ASH1L: variants seen among roughly 807,000 people sequenced by gnomAD.
ASH1L encodes histone-lysine N-methyltransferase ASH1L.
ASH1L carries 23 observed loss-of-function variants against 269.0 expected under a neutral mutation model. The ratio of observed to expected loss-of-function variants is 0.09; its 90% CI spans 0.06 to 0.12. The LOEUF (loss-of-function observed/expected upper bound fraction) is 0.12. Ranked by LOEUF, ASH1L falls within the 10% of genes least tolerant of loss-of-function variation. ASH1L has a pLI of 1.00. For synonymous variants in ASH1L, 1,187 were observed against 1,253.5 expected (o/e 0.95, Z 1.12); for missense variants, 2,912 against 3,567.8 (o/e 0.82, Z 4.68).
At chr1:155,420,841 CT>C (rs2148559456) in intron 5 of ASH1L, among the ~76,000 whole-genome samples, 6 of 67,756 alleles carry the variant, frequency 8.9e-5, no homozygotes, top group African/African-American at 2.5e-4. Context: ...CAGAGCAAGG[CT>C]CCATTAAAAA....
chr1:155,341,408 C>T (rs543212602), intron 25 of ASH1L, among the ~76,000 whole-genome samples: 27 of 152,230 alleles, frequency 1.8e-4, no homozygotes, highest in Non-Finnish European at 3.5e-4. Flanking sequence ...GATCTCCTGA[C>T]CTCATGATCC....
rs1452714791 is a variant in ASH1L, at chr1:155,480,107, C to T, written c.2763G>A (p.Lys921=). The T allele has an allele frequency of 1.9e-6, 3 of 1,614,122 alleles. No individual in the cohort carries two copies. The highest frequency in any genetic ancestry group is 2.5e-6 in the Non-Finnish European group (3 of 1,180,012). ...TATGGTTGTCACTTTCAGATTCTAG[C>T]TTGCTTGGACTTTCAGTGGCAACAA... ...APFVATESPS[K]LESESDNHRS... Residue 921 remains lysine, a synonymous_variant, in exon 3 of 28, where the codon AAG becomes AAA. Transcript: ENST00000392403.
At chr1:155,339,755 G>T (rs1286648729) in intron 25 of ASH1L, among the ~76,000 whole-genome samples, 1 of 152,126 alleles carries the variant, frequency 6.6e-6, no homozygotes, top group Non-Finnish European at 1.5e-5. Context: ...AGGCTATTTA[G>T]TATAGCCTAT....
chr1:155,406,787 C>A (rs970960916), intron 6 of ASH1L, among the ~76,000 whole-genome samples: 1 of 152,076 alleles, frequency 6.6e-6, no homozygotes, highest in African/African-American at 2.4e-5. Context: ...ACAATAGTCA[C>A]GGTCAATAAG....
intron 13 of ASH1L, among the ~76,000 whole-genome samples, chr1:155,360,083 T>A (rs1267966659): frequency 6.6e-6 from 1 of 151,842 alleles, no homozygotes; most frequent in Non-Finnish European, 1.5e-5. Context: ...ATAGACAGGG[T>A]TTTGTCATGT....
intron 2 of ASH1L, among the ~76,000 whole-genome samples, chr1:155,520,719 C>G (rs1259506157): frequency 6.6e-6 from 1 of 151,530 alleles, no homozygotes; most frequent in African/African-American, 2.4e-5. Context: ...AAAATTAGCT[C>G]GGTGTGGTGG....
chr1:155,433,432 A>G (rs763508789), intron 5 of ASH1L: 27 of 1,609,574 alleles, frequency 1.7e-5, no homozygotes, highest in Middle Eastern at 3.4e-4. Flanking sequence ...GAGTGCGGCT[A>G]GTGCCCCAAG....
intron 6 of ASH1L, among the ~76,000 whole-genome samples, chr1:155,406,126 C>A (rs1404436847): frequency 6.6e-6 from 1 of 151,036 alleles, no homozygotes; most frequent in Non-Finnish European, 1.5e-5. Flanking sequence ...ATTGCTTAAA[C>A]CCAGGGGGCG....
Position 155,481,048 on chromosome 1 carries a change from T to C in ASH1L, c.1822A>G (p.Ser608Gly), listed in dbSNP as rs754109654. The change falls in exon 3 of 28, where the codon AGT becomes GGT. Residue 608 changes from serine (S) to glycine (G), a missense_variant. Ser to Gly is a moderately conservative substitution (Grantham distance 56). Around this residue, in one of 13 missense-constraint regions of ASH1L, gnomAD observed 715 missense variants for 721.0 expected, o/e 0.99. Transcript: ENST00000392403. ...SVGKNQFTSE[S>G]THLNVGHRSV... ...CTATGACCAACGTTCAAGTGGGTAC[T>C]TTCAGAAGTAAACTGGTTCTTTCCA... 32 of 1,613,972 alleles carry C rather than the reference T, an allele frequency of 2.0e-5. No individual in the cohort carries two copies. The highest frequency in any genetic ancestry group is 6.7e-5 in the Admixed American group (4 of 59,992).
At chr1:155,435,628 G>GAA (rs752005177) in intron 5 of ASH1L, among the ~76,000 whole-genome samples, 3 of 135,060 alleles carry the variant, frequency 2.2e-5, no homozygotes, top group Non-Finnish European at 3.2e-5. Context: ...TAGGTGGATG[G>GAA]AAAAAAAAAA....
Position 155,480,932 on chromosome 1 carries a change from T to C in ASH1L, c.1938A>G (p.Ile646Met). 4 of 1,614,082 alleles carry C rather than the reference T, an allele frequency of 2.5e-6. No homozygotes were observed. The highest frequency in any genetic ancestry group is 3.4e-6 in the Non-Finnish European group (4 of 1,179,966). ...SKTTHIDIPR[I>M]SSSLGKKPSL... ...TTGGCTTTTTTCCAAGGGAAGAGCTTATTCTTGGAATATCTATATGGGTAG... is the reference window on the plus strand; with the variant it reads ...TTGGCTTTTTTCCAAGGGAAGAGCTCATTCTTGGAATATCTATATGGGTAG... Residue 646 changes from isoleucine (I) to methionine (M), a missense_variant, in exon 3 of 28, where the codon ATA (isoleucine) becomes ATG (methionine). By Grantham distance (10) the Ile-to-Met change is conservative. Transcript: ENST00000392403.
rs374725700 is a variant in ASH1L, at chr1:155,354,468, C to T, written c.7213+5G>A. 1 of 1,604,850 alleles carries T rather than the reference C, an allele frequency of 6.2e-7. No individual in the cohort carries two copies. The highest frequency in any genetic ancestry group is 8.5e-7 in the Non-Finnish European group (1 of 1,177,318). On this transcript the variant is annotated splice_donor_5th_base_variant and intron_variant, in intron 16 of 27. Coordinates refer to ENST00000392403, the MANE Select transcript of ASH1L (RefSeq NM_018489.3). ...CAAAAAAAAGAAATGTTTCAAATGC[C>T]TTACCAGACTTGATATTCCCATCAT... is the stretch of plus-strand genomic sequence containing the variant.
Position 155,478,501 on chromosome 1 carries a change from T to C in ASH1L, c.4369A>G (p.Arg1457Gly). ...LRQEAFLTTS[R>G]TPLLSMSTYP... ...GTACTCATGGAAAGGAGGGGAGTCC[T>C]GCTGGTTGTAAGAAAGGCCTCCTGT... Residue 1457 changes from arginine to glycine, a missense_variant, in exon 3 of 28, where the codon AGG becomes GGG. Around this residue, in one of 13 missense-constraint regions of ASH1L, gnomAD observed 789 missense variants for 897.6 expected, o/e 0.88. Coordinates refer to ENST00000392403, the MANE Select transcript of ASH1L (RefSeq NM_018489.3). The surrounding 1 kb of genome is among the most constrained non-coding windows in gnomAD (Gnocchi z 4.6). 1 of 1,614,172 alleles carries C rather than the reference T, an allele frequency of 6.2e-7. No individual in the cohort carries two copies. Among genetic ancestry groups the C allele is most frequent in the Non-Finnish European group, 8.5e-7 (1 of 1,180,044 alleles).
At chr1:155,525,208 C>G (rs1219353498) in intron 1 of ASH1L, among the ~76,000 whole-genome samples, 1 of 152,072 alleles carries the variant, frequency 6.6e-6, no homozygotes, top group African/African-American at 2.4e-5. Context: ...GTTCATGCCA[C>G]TGGACTCCAG....
At chr1:155,530,563 T>TAA (rs55994662) in intron 1 of ASH1L, among the ~76,000 whole-genome samples, 389 of 140,852 alleles carry the variant, frequency 2.8e-3, no homozygotes, top group Middle Eastern at 3.7e-3. Context: ...CCGTCTCTAC[T>TAA]AAAAAAAAAA....
chr1:155,563,044 A>G (rs1243470221), upstream of ASH1L: 3 of 458,152 alleles, frequency 6.5e-6, no homozygotes, highest in South Asian at 4.6e-5. Flanking sequence ...AATTGCCAGA[A>G]TGGCGGACCG....
intron 3 of ASH1L, among the ~76,000 whole-genome samples, chr1:155,460,216 T>A (rs1413316475): frequency 6.6e-6 from 1 of 152,244 alleles, no homozygotes; most frequent in Non-Finnish European, 1.5e-5. Flanking sequence ...TTTAAAATAT[T>A]GATACAAATT....
intron 1 of ASH1L, among the ~76,000 whole-genome samples, chr1:155,545,193 A>G (rs2148897355): frequency 6.7e-6 from 1 of 148,814 alleles, no homozygotes; most frequent in East Asian, 1.9e-4. Flanking sequence ...AAAAAAAAAA[A>G]AAAAAAAAAA....
chr1:155,413,556 G>A (rs1246474724), intron 6 of ASH1L, among the ~76,000 whole-genome samples: 3 of 152,154 alleles, frequency 2.0e-5, no homozygotes, highest in Admixed American at 1.3e-4. Context: ...GCAGTGAGCC[G>A]AGATCGTGCC....
Sources: gnomAD v4.1 joint callset for allele counts (sites outside exome capture counted in the v4.1 genomes callset) on GRCh38, gnomAD v4.1.1 for gene constraint, gnomAD v4.1.1 regional missense constraint, Gnocchi (gnomAD v3.1) non-coding constraint, MANE v1.5 for transcripts, NCBI Gene and HGNC (gene_info 2026-07-23, HGNC 2026-07-21) for gene names.